The following NUDT3 variants were observed in gnomAD, a reference collection of about 807,000 sequenced individuals.
The protein encoded by NUDT3 is nudix hydrolase 3, also known as diphosphoinositol polyphosphate phosphohydrolase 1.
NUDT3 carries 9 observed loss-of-function variants against 23.6 expected under a neutral mutation model. The observed-to-expected ratio is 0.38, with a 90% confidence interval of 0.23 to 0.66. The LOEUF (loss-of-function observed/expected upper bound fraction) is 0.66, where lower values mean the gene tolerates loss of function less well. Among genes scored for constraint, NUDT3 ranks in the 30% least tolerant of loss-of-function variants. The probability of loss-of-function intolerance (pLI) is 0.52; values close to 1 mark genes in which losing one functional copy is unlikely to be tolerated. For missense variants in NUDT3, 172 were observed against 218.5 expected, an observed-to-expected ratio of 0.79 and a Z score of 1.34; for synonymous variants, 86 against 82.6, an observed-to-expected ratio of 1.04 and a Z score of -0.22.
chr6:34,345,581 T>C (rs1174927598), intron 1 of NUDT3, among the ~76,000 whole-genome samples: 1 of 144,640 alleles, frequency 6.9e-6, no homozygotes, highest in Non-Finnish European at 1.5e-5. Context: ...GAGAATGGCG[T>C]GAACCCGGGA....
intron 2 of NUDT3, among the ~76,000 whole-genome samples, chr6:34,306,257 C>G (rs1273847497): frequency 3.3e-5 from 5 of 152,310 alleles, no homozygotes; most frequent in Admixed American, 3.3e-4. Flanking sequence ...GACTACCATA[C>G]TGTCTTGGCA....
intron 1 of NUDT3, among the ~76,000 whole-genome samples, chr6:34,376,195 G>C (rs1764919634): frequency 6.6e-6 from 1 of 152,062 alleles, no homozygotes; most frequent in African/African-American, 2.4e-5. Context: ...CATTTCTCCT[G>C]TCACCCAGGA....
At chr6:34,342,448 A>G (rs771829788) in intron 1 of NUDT3, among the ~76,000 whole-genome samples, 9 of 152,170 alleles carry the variant, frequency 5.9e-5, no homozygotes, top group Non-Finnish European at 1.2e-4. Context: ...GCTGTATCCC[A>G]GTTCCTGCTC....
chr6:34,374,360 AC>A (rs1561922653), intron 1 of NUDT3, among the ~76,000 whole-genome samples: 1 of 152,112 alleles, frequency 6.6e-6, no homozygotes. Context: ...TTCCAGGTTC[AC>A]AAATGTAAAG....
At chr6:34,388,266 A>C (rs543653004) in intron 1 of NUDT3, among the ~76,000 whole-genome samples, 1 of 152,306 alleles carries the variant, frequency 6.6e-6, no homozygotes, top group East Asian at 1.9e-4. Context: ...ACGTATCCCC[A>C]ACGTTAAGCG....
chr6:34,327,621 G>C (rs774301203), intron 2 of NUDT3, among the ~76,000 whole-genome samples: 3 of 152,116 alleles, frequency 2.0e-5, no homozygotes, highest in Non-Finnish European at 2.9e-5. Flanking sequence ...AAAGGAACCA[G>C]GAGTATGGGA....
rs983351873 is a variant in NUDT3 at position 34,286,998 on chromosome 6, C to G, written c.*1755G>C. ...TTCACCATGTTGGTCAGGCTGGTCT[C>G]AAACTCCTGACCTCAGGTGATCCAC... On this transcript the variant is annotated 3_prime_UTR_variant, in exon 5 of 5. Coordinates refer to ENST00000607016, the MANE Select transcript of NUDT3 (RefSeq NM_006703.4). The G allele has an allele frequency of 1.3e-5, 2 of 151,912 alleles. No homozygotes were observed. Among genetic ancestry groups the G allele is most frequent in the African/African-American group, 2.4e-5 (1 of 41,318 alleles). 9.4% of individuals were successfully genotyped at this position (151,912 alleles called of 1,614,324 possible).
chr6:34,316,310 C>T (rs776099796), intron 2 of NUDT3, among the ~76,000 whole-genome samples: 3 of 152,186 alleles, frequency 2.0e-5, no homozygotes, highest in Non-Finnish European at 2.9e-5. Flanking sequence ...CCCTCTAATT[C>T]ACCCTCAATC....
At chr6:34,391,999 C>A (rs1229401836) in intron 1 of NUDT3, among the ~76,000 whole-genome samples, 2 of 152,214 alleles carry the variant, frequency 1.3e-5, no homozygotes, top group Non-Finnish European at 2.9e-5. Context: ...CGGTAACAGG[C>A]GGCGGAACCG....
intron 1 of NUDT3, among the ~76,000 whole-genome samples, chr6:34,359,663 T>C (rs1429053108): frequency 2.0e-5 from 3 of 152,254 alleles, no homozygotes; most frequent in South Asian, 2.1e-4. Context: ...CACAATGTGT[T>C]TATCCATTCA....
Position 34,372,810 on chromosome 6 carries a change from A to T in NUDT3, c.99+19454T>A, listed in dbSNP as rs190864350. Reference sequence around the variant, plus strand: ...CAAGAGCAAAACTCCATCTTTAAAAAATATATATATATACTTTGTGAGATT... The same window carrying T: ...CAAGAGCAAAACTCCATCTTTAAAATATATATATATATACTTTGTGAGATT... On this transcript the variant is annotated intron_variant, in intron 1 of 4. Transcript: ENST00000607016. Among the ~76,000 whole-genome samples, 422 of 151,752 alleles carry T rather than the reference A, an allele frequency of 2.8e-3. 1 individual carries two copies. Among genetic ancestry groups the T allele is most frequent in the African/African-American group, 8.3e-3 (343 of 41,420 alleles).
chr6:34,284,506 A>C lies in NUDT3; in HGVS notation c.*4247T>G, dbSNP rs1270842041. ...ATTAAATCCTTTTTGTGAACTAAAAAAAGTGAATGTGGCTTAGGCTAAGCT... is the reference window on the plus strand; with the variant it reads ...ATTAAATCCTTTTTGTGAACTAAAACAAGTGAATGTGGCTTAGGCTAAGCT... On this transcript the variant is annotated 3_prime_UTR_variant, in exon 5 of 5. Transcript: ENST00000607016. The C allele has an allele frequency of 6.6e-6, 1 of 151,948 alleles. No individual in the cohort carries two copies. The highest frequency in any genetic ancestry group is 6.6e-5 in the Admixed American group (1 of 15,240). The allele number at this position is 151,948 out of a possible 1,614,324, so 9.4% of individuals were successfully genotyped here.
chr6:34,349,987 G>C (rs1304835048), intron 1 of NUDT3, among the ~76,000 whole-genome samples: 1 of 150,260 alleles, frequency 6.7e-6, no homozygotes, highest in Non-Finnish European at 1.5e-5. Context: ...CTACTCGGGA[G>C]GCTAGGCAGG....
intron 2 of NUDT3, among the ~76,000 whole-genome samples, chr6:34,317,215 T>C (rs1425775821): frequency 4.6e-5 from 7 of 152,128 alleles, no homozygotes; most frequent in Non-Finnish European, 1.0e-4. Flanking sequence ...TCAAGGCTTA[T>C]ACATACTGAG....
At position 34,392,335 on chromosome 6, in the gene NUDT3, G is replaced by T. The variant is rs930508261; in HGVS notation, c.28C>A (p.Arg10Ser). MMKLKSNQT[R>S]TYDGDGYKKR... Reference sequence around the variant, plus strand: ...TTGTAGCCGTCGCCGTCGTAGGTGCGGGTCTGGTTCGACTTGAGCTTCATC... The same window carrying T: ...TTGTAGCCGTCGCCGTCGTAGGTGCTGGTCTGGTTCGACTTGAGCTTCATC... Residue 10 changes from arginine (R) to serine (S), a missense_variant, in exon 1 of 5, where the codon CGC (arginine) becomes AGC (serine). By Grantham distance (110) the Arg-to-Ser change is moderately radical. Around this residue, in one of 3 missense-constraint regions of NUDT3, gnomAD observed 50 missense variants for 46.2 expected, o/e 1.08. Transcript: ENST00000607016. 2 of 1,605,944 alleles carry T rather than the reference G, an allele frequency of 1.2e-6. No homozygotes were observed. Among genetic ancestry groups the T allele is most frequent in the Non-Finnish European group, 1.7e-6 (2 of 1,177,382 alleles).
chr6:34,331,337 C>T (rs1293444764), intron 2 of NUDT3, among the ~76,000 whole-genome samples: 1 of 146,746 alleles, frequency 6.8e-6, no homozygotes, highest in South Asian at 2.2e-4. Context: ...CCATGACCTG[C>T]TGGATTTTTC....
chr6:34,293,063 G>GT (rs547819340), intron 4 of NUDT3, among the ~76,000 whole-genome samples: 3 of 151,968 alleles, frequency 2.0e-5, no homozygotes, highest in East Asian at 1.9e-4. Context: ...TTGTTGTTCT[G>GT]TTTTTTTGTT....
intron 1 of NUDT3, among the ~76,000 whole-genome samples, chr6:34,360,064 C>CA (rs1451301449): frequency 1.3e-5 from 2 of 151,674 alleles, no homozygotes; most frequent in Non-Finnish European, 1.5e-5. Context: ...CCCATCTCTA[C>CA]AAAAAATACA....
chr6:34,320,579 A>C (rs1238784705), intron 2 of NUDT3, among the ~76,000 whole-genome samples: 1 of 152,098 alleles, frequency 6.6e-6, no homozygotes, highest in African/African-American at 2.4e-5. Context: ...TAACGCCTGT[A>C]ATCTCAGCAC....
Sources: gnomAD v4.1 joint callset for allele counts (sites outside exome capture counted in the v4.1 genomes callset) on GRCh38, gnomAD v4.1.1 for gene constraint, gnomAD v4.1.1 regional missense constraint, MANE v1.5 for transcripts, NCBI Gene and HGNC (gene_info 2026-07-23, HGNC 2026-07-21) for gene names.